Variants in CARM1 observed in about 807,000 individuals in gnomAD.
The protein encoded by CARM1 is histone-arginine methyltransferase CARM1.
A neutral mutation model predicts 72.7 loss-of-function variants in CARM1; 14 were observed. That is an observed-to-expected ratio of 0.19 (90% CI 0.13 to 0.30). The LOEUF is 0.30. CARM1 is among the 10% of genes least tolerant of loss of function. CARM1 has a pLI of 1.00. For missense variants in CARM1, 432 were observed against 833.7 expected, an observed-to-expected ratio of 0.52 and a Z score of 5.93; for synonymous variants, 333 against 345.5, an observed-to-expected ratio of 0.96 and a Z score of 0.40.
intron 1 of CARM1, among the ~76,000 whole-genome samples, chr19:10,888,065 G>A (rs1160870398): frequency 7.9e-5 from 12 of 152,308 alleles, no homozygotes; most frequent in Admixed American, 2.6e-4. Context: ...CATTCAGCCC[G>A]ACCTTCCAGG....
At chr19:10,893,807 C>T (rs2074005380) in intron 1 of CARM1, among the ~76,000 whole-genome samples, 1 of 152,200 alleles carries the variant, frequency 6.6e-6, no homozygotes, top group Admixed American at 6.5e-5. Flanking sequence ...GTTATGTCAC[C>T]TCACCCTTTG....
chr19:10,905,171 G>T (rs918489885), intron 2 of CARM1, 95 bp downstream of exon 2: 1 of 1,461,808 alleles, frequency 6.8e-7, no homozygotes, highest in African/African-American at 1.4e-5. Context: ...GGTGGCCCGT[G>T]CATCCTTAAG....
At chr19:10,908,353 G>T (rs1277233102) in intron 3 of CARM1, among the ~76,000 whole-genome samples, 1 of 152,214 alleles carries the variant, frequency 6.6e-6, no homozygotes, top group Non-Finnish European at 1.5e-5. Context: ...GTGCCTGCCT[G>T]AGAGGGTTGC....
At chr19:10,884,134 G>C (rs192361445) in intron 1 of CARM1, among the ~76,000 whole-genome samples, 1 of 150,858 alleles carries the variant, frequency 6.6e-6, no homozygotes, top group Non-Finnish European at 1.5e-5. Flanking sequence ...CTTGAGGTCA[G>C]GAGTTCGAGA....
intron 1 of CARM1, among the ~76,000 whole-genome samples, chr19:10,891,512 T>C (rs751082840): frequency 7.9e-5 from 12 of 152,082 alleles, no homozygotes; most frequent in Non-Finnish European, 1.3e-4. Context: ...GATTCCAAGC[T>C]GAGGAAAGCA....
intron 5 of CARM1, among the ~76,000 whole-genome samples, chr19:10,913,413 C>CT (rs1372673432): frequency 6.6e-6 from 1 of 151,884 alleles, no homozygotes; most frequent in Non-Finnish European, 1.5e-5. Context: ...TGGTGGGTGC[C>CT]TGTAGTCCCA....
chr19:10,904,806 G>A lies in CARM1; in HGVS notation c.221-145G>A. On this transcript the variant is annotated intron_variant, in intron 1 of 15. Coordinates refer to ENST00000327064, the MANE Select transcript of CARM1 (RefSeq NM_199141.2). ...GTGGGCTGGGCAGTCAGGGCACCCG[G>A]CAATGCTGCCAGGGTGGTTTTGTGG... 17 of 1,034,822 alleles carry A rather than the reference G, an allele frequency of 1.6e-5. No individual in the cohort carries two copies. The South Asian group carries it at 2.5e-4, about 15-fold the overall frequency. 64.1% of individuals were successfully genotyped at this position (1,034,822 alleles called of 1,614,324 possible). A position where few individuals can be genotyped will look rare whatever the true frequency, so the allele number is the denominator to read the frequency against.
chr19:10,908,404 G>T (rs369192508), intron 3 of CARM1: 12 of 439,940 alleles, frequency 2.7e-5, no homozygotes, highest in Non-Finnish European at 4.2e-5. Flanking sequence ...GGCCACAGGC[G>T]TTGTGAATAA....
chr19:10,903,140 C>T (rs530557501), intron 1 of CARM1, among the ~76,000 whole-genome samples: 3 of 152,240 alleles, frequency 2.0e-5, no homozygotes, highest in East Asian at 3.9e-4. Flanking sequence ...ATTGAATGTT[C>T]TTGGCATCCT....
chr19:10,921,360 C>T lies in CARM1; in HGVS notation c.1616-15C>T, dbSNP rs746125573. 8 of 1,610,294 alleles carry T rather than the reference C, an allele frequency of 5.0e-6. No homozygotes were observed. The South Asian group carries it at 5.5e-5, about 11-fold the overall frequency. ...CGCCGTCTCCCTTCCTTCTTTCCTC[C>T]CTCTCGCTGCGCAGCCAACACGGGG... On this transcript the variant is annotated splice_polypyrimidine_tract_variant and intron_variant, in intron 14 of 15. Transcript: ENST00000327064.
chr19:10,901,264 TGAGCCAC>T (rs1293664498), intron 1 of CARM1, among the ~76,000 whole-genome samples: 1 of 152,140 alleles, frequency 6.6e-6, no homozygotes, highest in Admixed American at 6.5e-5. Flanking sequence ...ATTACAGGCA[TGAGCCAC>T]TGCACTTGGC....
At chr19:10,921,502 C>T in intron 15 of CARM1, 59 bp downstream of exon 15, 9 of 1,572,280 alleles carry the variant, frequency 5.7e-6, no homozygotes, top group South Asian at 1.2e-5. Context: ...GAGTCGCCAT[C>T]CTCTGTCCGG....
chr19:10,902,414 C>A (rs1385422593), intron 1 of CARM1, among the ~76,000 whole-genome samples: 1 of 151,346 alleles, frequency 6.6e-6, no homozygotes, highest in African/African-American at 2.4e-5. Context: ...CTGCCTCAGC[C>A]TCCTGAGTAG....
At chr19:10,911,004 C>T (rs2074146156) in intron 4 of CARM1, among the ~76,000 whole-genome samples, 1 of 152,108 alleles carries the variant, frequency 6.6e-6, no homozygotes, top group Admixed American at 6.6e-5. Context: ...GATTTTTGTG[C>T]CTCAGCCGGC....
Position 10,908,124 on chromosome 19 carries a change from T to C in CARM1, c.432T>C (p.Ser144=), listed in dbSNP as rs1209682550. ...RSVFSERTEE[S]SAVQYFQFYG... is the part of the protein sequence containing the mutation. ...TGTTCAGCGAGCGGACGGAGGAGTCTTCTGCCGTGCAGTACTTCCAGGTGG... is the reference window on the plus strand; with the variant it reads ...TGTTCAGCGAGCGGACGGAGGAGTCCTCTGCCGTGCAGTACTTCCAGGTGG... Residue 144 remains serine, a synonymous_variant, in exon 3 of 16, where the codon TCT becomes TCC. Coordinates refer to ENST00000327064, the MANE Select transcript of CARM1 (RefSeq NM_199141.2). 6.2e-7 allele frequency: 1 copy of C among 1,613,680 alleles called. No homozygotes were observed. The highest frequency in any genetic ancestry group is 1.1e-5 in the South Asian group (1 of 91,072).
Position 10,871,797 on chromosome 19 carries a change from T to C in CARM1, c.95T>C (p.Phe32Ser). ...GGGCCCTGCGCTACCGTGTCGGTGTTCCCCGGCGCCCGCCTCCTCACCATC... is the reference window on the plus strand; with the variant it reads ...GGGCCCTGCGCTACCGTGTCGGTGTCCCCCGGCGCCCGCCTCCTCACCATC... Reference protein sequence around the residue: ...GAGPCATVSVFPGARLLTIGD... With the variant: ...GAGPCATVSVSPGARLLTIGD... Residue 32 changes from phenylalanine (F) to serine (S), a missense_variant, in exon 1 of 16, where the codon TTC (phenylalanine) becomes TCC (serine). Around this residue, in one of 3 missense-constraint regions of CARM1, gnomAD observed 138 missense variants for 192.3 expected, o/e 0.72. Coordinates refer to ENST00000327064, the MANE Select transcript of CARM1 (RefSeq NM_199141.2). This position sits in a 1 kb window ranked among gnomAD's most constrained non-coding sequence, Gnocchi z 5.6. 1 of 1,226,478 alleles carries C rather than the reference T, an allele frequency of 8.2e-7. No homozygotes were observed. The allele number at this position is 1,226,478 out of a possible 1,614,324, so 76.0% of individuals were successfully genotyped here.
intron 3 of CARM1, chr19:10,908,663 G>T: frequency 5.3e-6 from 1 of 188,782 alleles, no homozygotes. Flanking sequence ...CTGTGCCCCT[G>T]CCCAGGTGCC....
chr19:10,909,551 C>T (rs1447057748), intron 4 of CARM1, among the ~76,000 whole-genome samples: 1 of 151,906 alleles, frequency 6.6e-6, no homozygotes, highest in Non-Finnish European at 1.5e-5. Flanking sequence ...CTGGCTAACA[C>T]GATGAAACCC....
chr19:10,901,556 C>T (rs1056341229), intron 1 of CARM1, among the ~76,000 whole-genome samples: 1 of 152,024 alleles, frequency 6.6e-6, no homozygotes, highest in Non-Finnish European at 1.5e-5. Flanking sequence ...AACTCCTGGC[C>T]TCAAGTTATC....
Sources: allele counts gnomAD v4.1 joint callset (sites outside exome capture counted in the v4.1 genomes callset), GRCh38; gene constraint gnomAD v4.1.1; regional missense constraint gnomAD v4.1.1; non-coding constraint Gnocchi (gnomAD v3.1); transcripts MANE v1.5; gene names NCBI Gene and HGNC (gene_info 2026-07-23, HGNC 2026-07-21).